CCAR2: variants seen among roughly 807,000 people sequenced by gnomAD.
CCAR2 encodes the protein cell cycle and apoptosis regulator 2.
Under a neutral mutation model 108.1 loss-of-function variants are expected in CCAR2, and 21 were observed. The observed-to-expected ratio is 0.19, with a 90% confidence interval of 0.14 to 0.28. The LOEUF is 0.28. CCAR2 is among the 10% of genes least tolerant of loss of function. CCAR2 has a pLI of 1.00. For synonymous variants in CCAR2, 577 were observed against 472.8 expected, an observed-to-expected ratio of 1.22 and a Z score of -2.86; for missense variants, 1,126 against 1,177.0, an observed-to-expected ratio of 0.96 and a Z score of 0.63.
chr8:22,619,583 G>T, intron 20 of CCAR2, 55 bp from the exon 21 acceptor site: 1 of 1,545,010 alleles, frequency 6.5e-7, no homozygotes, highest in African/African-American at 1.4e-5. Context: ...GCAGTCCGCA[G>T]TCCTCAGATC....
In CCAR2 at chr8:22,619,671, C is replaced by G; in HGVS notation, c.2761C>G (p.Pro921Ala). 1.9e-6 allele frequency: 3 copies of G among 1,574,736 alleles called. No homozygotes were observed. The highest frequency in any genetic ancestry group is 2.6e-6 in the Non-Finnish European group (3 of 1,159,674). The change falls in exon 21 of 21, where the codon CCT (proline) becomes GCT (alanine). Residue 921 changes from proline (P) to alanine (A), a missense_variant. Coordinates refer to ENST00000308511, the MANE Select transcript of CCAR2 (RefSeq NM_001393997.1). ...CTGGGTGGAGAAGGAGGAGCCGGCA[C>G]CTAGCAACTGACGGCCTCGCACGGA... ...DSWVEKEEPA[P>A]SN
intron 7 of CCAR2, among the ~76,000 whole-genome samples, chr8:22,609,385 C>T (rs1174571147): frequency 6.6e-6 from 1 of 152,142 alleles, no homozygotes; most frequent in South Asian, 2.1e-4. Flanking sequence ...CTCCTGGGCT[C>T]AAGTCATCTT....
intron 7 of CCAR2, among the ~76,000 whole-genome samples, chr8:22,610,738 A>C (rs1801240858): frequency 6.6e-6 from 1 of 152,258 alleles, no homozygotes; most frequent in Non-Finnish European, 1.5e-5. Context: ...CTGGGGTGTG[A>C]ACAGGGAAAT....
intron 7 of CCAR2, among the ~76,000 whole-genome samples, chr8:22,608,447 T>C (rs1801160987): frequency 6.6e-6 from 1 of 152,256 alleles, no homozygotes; most frequent in South Asian, 2.1e-4. Context: ...CTGCAGTATC[T>C]GTTCTCGTTG....
rs904080634 is a variant in CCAR2 at position 22,605,629 on chromosome 8, C to T, written c.-38-107C>T. 3.5e-5 allele frequency: 23 copies of T among 664,714 alleles called. 1 individual carries two copies. The highest frequency in any genetic ancestry group is 3.0e-4 in the South Asian group (17 of 56,202). 41.2% of individuals were successfully genotyped at this position (664,714 alleles called of 1,614,324 possible). A position where few individuals can be genotyped will look rare whatever the true frequency, so the allele number is the denominator to read the frequency against. ...CATTGCTTTCATTCATTCTTATTACCCACCTCCCTGTTTTCCGAAATATCC... is the reference window on the plus strand; with the variant it reads ...CATTGCTTTCATTCATTCTTATTACTCACCTCCCTGTTTTCCGAAATATCC... On this transcript the variant is annotated intron_variant, in intron 1 of 20. Transcript: ENST00000308511.
Position 22,619,556 on chromosome 8 carries a change from C to T in CCAR2, c.2728-82C>T. The T allele has an allele frequency of 2.0e-6, 3 of 1,490,490 alleles. No homozygotes were observed. In the South Asian group the frequency reaches 3.6e-5, roughly 18 times the overall value. The allele number at this position is 1,490,490 out of a possible 1,614,324, so 92.3% of individuals were successfully genotyped here. ...GTCAGCAGCGTGCAGTGGGAGCTTC[C>T]CAGCAGGAGGCAGTCCGCAGTCCGC... On this transcript the variant is annotated intron_variant, in intron 20 of 20. Transcript: ENST00000308511.
At position 22,606,892 on chromosome 8, in the gene CCAR2, T is replaced by C. The variant is rs767680380; in HGVS notation, c.243-18T>C. The C allele has an allele frequency of 6.2e-7, 1 of 1,613,446 alleles. No individual in the cohort carries two copies. The highest frequency in any genetic ancestry group is 1.1e-5 in the South Asian group (1 of 91,066). ...GGGTCCCTCTTCTGATGGGGCCTTCTGGCTTGTGTGCTGACAGTGTGGTGA... is the reference window on the plus strand; with the variant it reads ...GGGTCCCTCTTCTGATGGGGCCTTCCGGCTTGTGTGCTGACAGTGTGGTGA... On this transcript the variant is annotated intron_variant, in intron 4 of 20. Coordinates refer to ENST00000308511, the MANE Select transcript of CCAR2 (RefSeq NM_001393997.1).
In CCAR2 at chr8:22,614,109, T is replaced by A; in HGVS notation, c.722T>A (p.Leu241Gln). 1.2e-6 allele frequency: 2 copies of A among 1,613,958 alleles called. No individual in the cohort carries two copies. Among genetic ancestry groups the A allele is most frequent in the Non-Finnish European group, 1.7e-6 (2 of 1,180,028 alleles). Residue 241 changes from leucine (L) to glutamine (Q), a missense_variant, in exon 9 of 21, where the codon CTA becomes CAA. Leu to Gln is a moderately radical substitution (Grantham distance 113). This residue lies in a region of CCAR2 where 1,013 missense variants were observed against 993.9 expected (regional missense o/e 1.02). Transcript: ENST00000308511. ...TCCTGTAGCCCCATCTGTGACTTCC[T>A]AGAACTCCAGCGCCGTTACCGCAGC... ...YTVDSPICDF[L>Q]ELQRRYRSLL... is the part of the protein sequence containing the mutation.
intron 16 of CCAR2, among the ~76,000 whole-genome samples, 181 bp downstream of exon 16, chr8:22,617,959 C>G (rs1175547119): frequency 2.0e-5 from 3 of 152,150 alleles, no homozygotes; most frequent in African/African-American, 7.2e-5. Flanking sequence ...ATTTCAGTGT[C>G]TGTTGGGGTG....
In CCAR2 at chr8:22,606,593, T is replaced by C; in HGVS notation, c.151-14T>C. 2 of 1,608,492 alleles carry C rather than the reference T, an allele frequency of 1.2e-6. No individual in the cohort carries two copies. The highest frequency in any genetic ancestry group is 1.7e-6 in the Non-Finnish European group (2 of 1,174,902). On this transcript the variant is annotated splice_polypyrimidine_tract_variant and intron_variant, in intron 3 of 20. Transcript: ENST00000308511. ...TCCTCCCTTTTACTTTTCAGCTGTC[T>C]CCTTCTCTTACAGGGTGGGGAGAAA...
chr8:22,616,866 CTTTTT>C (rs36086286), intron 14 of CCAR2, among the ~76,000 whole-genome samples: 3 of 54,730 alleles, frequency 5.5e-5, no homozygotes, highest in Non-Finnish European at 7.2e-5. Context: ...TACTAGTCTG[CTTTTT>C]TTTTTTTTTT....
chr8:22,616,912 T>C (rs1180120228), intron 14 of CCAR2, among the ~76,000 whole-genome samples: 2 of 102,900 alleles, frequency 1.9e-5, no homozygotes, highest in Non-Finnish European at 3.7e-5. Flanking sequence ...GATGGAGTCT[T>C]GCTCTGTCAC....
chr8:22,614,764 T>TGGC, intron 10 of CCAR2, 74 bp from the exon 11 acceptor site: 5 of 1,590,628 alleles, frequency 3.1e-6, no homozygotes, highest in Non-Finnish European at 4.3e-6. Context: ...TCCTGATGGG[T>TGGC]GGCAGCCTTG....
intron 7 of CCAR2, among the ~76,000 whole-genome samples, chr8:22,612,481 T>C (rs1408704984): frequency 6.7e-6 from 1 of 149,774 alleles, no homozygotes. Flanking sequence ...TTGGCCAGGA[T>C]GGTCTCGATC....
chr8:22,606,788 T>A, intron 4 of CCAR2, 90 bp downstream of exon 4: 1 of 1,471,800 alleles, frequency 6.8e-7, no homozygotes, highest in Non-Finnish European at 9.5e-7. Context: ...CTCAAAGCCA[T>A]TGCTTTGCTG....
In CCAR2 at chr8:22,611,615, C is replaced by A. The variant is rs183279950; in HGVS notation, c.585-1402C>A. ...TCCTGTGTTCTAGTTTTTATCTATA[C>A]ATGTGCATACTTTTTGCAATTTTAA... On this transcript the variant is annotated intron_variant, in intron 7 of 20. Transcript: ENST00000308511. 6.2e-4 allele frequency among the ~76,000 whole-genome samples: 94 copies of A among 152,232 alleles called. No homozygotes were observed. In the East Asian group the frequency reaches 0.015, roughly 24 times the overall value.
At position 22,605,857 on chromosome 8, in the gene CCAR2, C is replaced by G. The variant is rs1490371755; in HGVS notation, c.58+26C>G. ...GTGATCACTGTTCTCCCTACCTGGC[C>G]TCATCCTGGGAAGTATGTGCTCTGG... On this transcript the variant is annotated intron_variant, in intron 2 of 20. Transcript: ENST00000308511. 6 of 1,608,838 alleles carry G rather than the reference C, an allele frequency of 3.7e-6. No homozygotes were observed. The South Asian group carries it at 5.5e-5, about 15-fold the overall frequency.
intron 14 of CCAR2, among the ~76,000 whole-genome samples, chr8:22,616,925 A>C (rs1484463067): frequency 3.4e-5 from 3 of 89,078 alleles, no homozygotes; most frequent in Admixed American, 3.7e-4. Flanking sequence ...TCTGTCACCC[A>C]GGCTGAAGTG....
In CCAR2 at chr8:22,606,588, C is replaced by T; in HGVS notation, c.151-19C>T. ...CAGTTTCCTCCCTTTTACTTTTCAGCTGTCTCCTTCTCTTACAGGGTGGGG... is the reference window on the plus strand; with the variant it reads ...CAGTTTCCTCCCTTTTACTTTTCAGTTGTCTCCTTCTCTTACAGGGTGGGG... On this transcript the variant is annotated intron_variant, in intron 3 of 20. Transcript: ENST00000308511. 2 of 1,600,650 alleles carry T rather than the reference C, an allele frequency of 1.2e-6. No individual in the cohort carries two copies. Among genetic ancestry groups the T allele is most frequent in the South Asian group, 2.2e-5 (2 of 90,768 alleles).
Sources: allele counts gnomAD v4.1 joint callset (sites outside exome capture counted in the v4.1 genomes callset), GRCh38; gene constraint gnomAD v4.1.1; regional missense constraint gnomAD v4.1.1; transcripts MANE v1.5; gene names NCBI Gene and HGNC (gene_info 2026-07-23, HGNC 2026-07-21).